The following LOC128706665 variants were observed in gnomAD, a reference collection of about 807,000 sequenced individuals.
chr20:10,427,167 T>C, the LOC128706665 span, among the ~76,000 whole-genome samples: 5 of 151,912 alleles, frequency 3.3e-5, no homozygotes, highest in Non-Finnish European at 4.4e-5. Flanking sequence ...CTATCTAGCA[T>C]AGTATTAGTT....
the LOC128706665 span, among the ~76,000 whole-genome samples, chr20:10,433,659 A>G: frequency 1.3e-5 from 2 of 152,108 alleles, no homozygotes; most frequent in Admixed American, 1.3e-4. Context: ...TGGCAGGGCC[A>G]CGCTGCACAA....
At chr20:10,416,808 T>C in the LOC128706665 span, among the ~76,000 whole-genome samples, 1 of 152,178 alleles carries the variant, frequency 6.6e-6, no homozygotes, top group East Asian at 1.9e-4. Context: ...CTATGGACCA[T>C]ATCCAGACTG....
the LOC128706665 span, among the ~76,000 whole-genome samples, chr20:10,417,671 TA>T: frequency 0.8 from 120,507 of 150,456 alleles, 48,577 homozygotes; most frequent in African/African-American, 0.88. Flanking sequence ...GCCTTCTCTG[TA>T]AAAAAAAAAA....
the LOC128706665 span, among the ~76,000 whole-genome samples, chr20:10,421,702 G>C: frequency 6.6e-6 from 1 of 151,800 alleles, no homozygotes; most frequent in African/African-American, 2.4e-5. Flanking sequence ...TAACTTACAG[G>C]GTTATCGACC....
chr20:10,426,430 C>T, the LOC128706665 span, among the ~76,000 whole-genome samples: 1 of 152,170 alleles, frequency 6.6e-6, no homozygotes, highest in African/African-American at 2.4e-5. Flanking sequence ...TTTTTTGGGA[C>T]AGTCTCACTC....
chr20:10,416,975 T>C, the LOC128706665 span, among the ~76,000 whole-genome samples: 1 of 151,988 alleles, frequency 6.6e-6, no homozygotes, highest in Non-Finnish European at 1.5e-5. Flanking sequence ...TCTGATCTTT[T>C]ATAGAAAAAA....
chr20:10,420,591 A>T, the LOC128706665 span: 1 of 152,234 alleles, frequency 6.6e-6, no homozygotes, highest in Admixed American at 6.5e-5. Flanking sequence ...AAAGTCCCAG[A>T]CTATCTTGCT....
At chr20:10,428,997 T>C in the LOC128706665 span, among the ~76,000 whole-genome samples, 4 of 152,186 alleles carry the variant, frequency 2.6e-5, no homozygotes, top group Non-Finnish European at 5.9e-5. Context: ...CTTAAGGGCC[T>C]TTCTCTTTTG....
chr20:10,431,006 T>C, the LOC128706665 span, among the ~76,000 whole-genome samples: 2 of 152,166 alleles, frequency 1.3e-5, no homozygotes, highest in Admixed American at 1.3e-4. Context: ...AAATTACTTC[T>C]CTCCTGCCTC....
At chr20:10,424,747 G>GT in the LOC128706665 span, among the ~76,000 whole-genome samples, 1 of 151,932 alleles carries the variant, frequency 6.6e-6, no homozygotes, top group Non-Finnish European at 1.5e-5. Context: ...TTCCTCTGTG[G>GT]TTTTTTACAA....
the LOC128706665 span, among the ~76,000 whole-genome samples, chr20:10,427,288 G>A: frequency 1.3e-5 from 2 of 152,118 alleles, no homozygotes; most frequent in South Asian, 2.1e-4. Flanking sequence ...CTTGCTGGGC[G>A]CCATCTGCTG....
the LOC128706665 span, among the ~76,000 whole-genome samples, chr20:10,418,852 A>T: frequency 2.0e-5 from 3 of 152,078 alleles, no homozygotes; most frequent in East Asian, 5.8e-4. Flanking sequence ...ATATATAAAA[A>T]TCCAGCACCT....
the LOC128706665 span, among the ~76,000 whole-genome samples, chr20:10,431,345 G>A: frequency 2.6e-5 from 4 of 152,060 alleles, no homozygotes; most frequent in Non-Finnish European, 5.9e-5. Context: ...CTTCAAATAT[G>A]TACAAGATTA....
At chr20:10,427,350 T>G in the LOC128706665 span, among the ~76,000 whole-genome samples, 1 of 152,178 alleles carries the variant, frequency 6.6e-6, no homozygotes, top group Non-Finnish European at 1.5e-5. Context: ...ATTGCTGTTG[T>G]GATTTGAAAA....
At chr20:10,419,735 G>A in the LOC128706665 span, among the ~76,000 whole-genome samples, 18 of 152,352 alleles carry the variant, frequency 1.2e-4, no homozygotes, top group Admixed American at 6.5e-4. Context: ...AGTGACTAAC[G>A]AGCAGGTAGA....
At chr20:10,417,095 C>A in the LOC128706665 span, among the ~76,000 whole-genome samples, 3 of 151,712 alleles carry the variant, frequency 2.0e-5, no homozygotes, top group Non-Finnish European at 2.9e-5. Context: ...TAAAAAAATA[C>A]AAAAAACTAG....
At chr20:10,417,571 C>T in the LOC128706665 span, among the ~76,000 whole-genome samples, 3 of 152,246 alleles carry the variant, frequency 2.0e-5, no homozygotes, top group East Asian at 3.9e-4. Context: ...TGATATGTTA[C>T]TGCACTGTAG....
chr20:10,427,610 G>T, the LOC128706665 span, among the ~76,000 whole-genome samples: 1 of 152,176 alleles, frequency 6.6e-6, no homozygotes, highest in Non-Finnish European at 1.5e-5. Context: ...ACAGCAGTTT[G>T]AATTGTGGCA....
the LOC128706665 span, among the ~76,000 whole-genome samples, chr20:10,429,445 G>GT: frequency 2.6e-5 from 4 of 152,092 alleles, no homozygotes; most frequent in Non-Finnish European, 5.9e-5. Context: ...GCTCTCACAC[G>GT]TTCATCTCCA....
Sources: allele counts gnomAD v4.1 joint callset (sites outside exome capture counted in the v4.1 genomes callset), GRCh38; gene constraint gnomAD v4.1.1; transcripts MANE v1.5.